RORA: variants seen among roughly 807,000 people sequenced by gnomAD.
RORA encodes RAR related orphan receptor A, also known as nuclear receptor ROR-alpha.
In RORA, 7 loss-of-function variants were observed where a neutral mutation model predicts 69.5. That is an observed-to-expected ratio of 0.10 (90% CI 0.06 to 0.19). RORA has a LOEUF of 0.19. Ranked by LOEUF, RORA falls within the 10% of genes least tolerant of loss-of-function variation. The probability of loss-of-function intolerance (pLI) is 1.00; values close to 1 mark genes in which losing one functional copy is unlikely to be tolerated. For synonymous variants in RORA, 261 were observed against 240.8 expected, an observed-to-expected ratio of 1.08 and a Z score of -0.78; for missense variants, 457 against 663.0, an observed-to-expected ratio of 0.69 and a Z score of 3.41.
chr15:61,005,718 C>T (rs993525333), intron 1 of RORA, among the ~76,000 whole-genome samples: 14 of 152,102 alleles, frequency 9.2e-5, no homozygotes, highest in Non-Finnish European at 1.5e-5. Context: ...ATAAAGTATA[C>T]ACTATTATTG....
chr15:60,776,053 C>G (rs114749418), intron 1 of RORA, among the ~76,000 whole-genome samples: 123 of 152,252 alleles, frequency 8.1e-4, no homozygotes, highest in African/African-American at 2.9e-3. Context: ...TAGTCCTTAT[C>G]GGTAATTCGA....
intron 2 of RORA, among the ~76,000 whole-genome samples, chr15:60,564,281 A>C (rs1182966284): frequency 1.3e-5 from 2 of 152,226 alleles, no homozygotes; most frequent in African/African-American, 4.8e-5. Context: ...TTGAAAGTTA[A>C]AAGTGATCAT....
rs964783704 is a variant in RORA at position 61,131,558 on chromosome 15, G to A, written c.166+97495C>T. On this transcript the variant is annotated intron_variant, in intron 1 of 10. Transcript: ENST00000335670. This position sits in a 1 kb window ranked among gnomAD's most constrained non-coding sequence, Gnocchi z 4.2. ...CATCCACTGGAAAACTGGAGGAACT[G>A]GGATCTAGTTACTCATGCTATAGAA... Among the ~76,000 whole-genome samples the A allele has an allele frequency of 5.3e-5, 8 of 152,154 alleles. No individual in the cohort carries two copies. Among genetic ancestry groups the A allele is most frequent in the Non-Finnish European group, 1.2e-4 (8 of 68,028 alleles).
intron 1 of RORA, among the ~76,000 whole-genome samples, chr15:60,973,053 G>A (rs901730764): frequency 2.0e-5 from 3 of 151,912 alleles, no homozygotes; most frequent in African/African-American, 7.3e-5. Flanking sequence ...ATGACTCATG[G>A]GAAATCCGGA....
chr15:61,100,543 T>C (rs1215965281), intron 1 of RORA, among the ~76,000 whole-genome samples: 1 of 152,180 alleles, frequency 6.6e-6, no homozygotes, highest in Admixed American at 6.5e-5. Flanking sequence ...TCCAGGGCTA[T>C]CTGTGGCTAG....
intron 1 of RORA, among the ~76,000 whole-genome samples, chr15:60,796,793 T>C (rs1428877401): frequency 2.6e-5 from 4 of 151,892 alleles, no homozygotes; most frequent in Non-Finnish European, 5.9e-5. Flanking sequence ...CAATTTCTCA[T>C]CAACTGATGA....
intron 1 of RORA, among the ~76,000 whole-genome samples, chr15:60,847,208 C>A (rs955767360): frequency 6.6e-6 from 1 of 151,874 alleles, no homozygotes; most frequent in Non-Finnish European, 1.5e-5. Flanking sequence ...GGAAAAAAAT[C>A]GGGCTTTGGC....
intron 1 of RORA, among the ~76,000 whole-genome samples, chr15:60,969,779 T>C (rs1893659520): frequency 6.6e-6 from 1 of 152,200 alleles, no homozygotes; most frequent in African/African-American, 2.4e-5. Context: ...GCTCCAACAC[T>C]TCTTAGCTCT....
chr15:60,783,943 T>G (rs371148130), intron 1 of RORA, among the ~76,000 whole-genome samples: 1 of 152,204 alleles, frequency 6.6e-6, no homozygotes, highest in African/African-American at 2.4e-5. Flanking sequence ...TAATAAACCA[T>G]TCCCACAATT....
chr15:60,632,776 G>A (rs2069766096), intron 2 of RORA, among the ~76,000 whole-genome samples: 1 of 152,028 alleles, frequency 6.6e-6, no homozygotes, highest in African/African-American at 2.4e-5. Flanking sequence ...AGCTAAAAAT[G>A]GTGATTATCT....
At chr15:60,947,816 G>A (rs1171118184) in intron 1 of RORA, among the ~76,000 whole-genome samples, 1 of 151,988 alleles carries the variant, frequency 6.6e-6, no homozygotes, top group African/African-American at 2.4e-5. Context: ...GTGGGAGATG[G>A]TACCTAAACA....
intron 1 of RORA, among the ~76,000 whole-genome samples, chr15:60,874,002 T>C (rs1288040328): frequency 2.0e-5 from 3 of 152,178 alleles, no homozygotes; most frequent in Non-Finnish European, 4.4e-5. Context: ...TTTTTTTCAA[T>C]GTTAATATTA....
At chr15:60,631,015 G>A (rs914664835) in intron 2 of RORA, among the ~76,000 whole-genome samples, 9 of 149,556 alleles carry the variant, frequency 6.0e-5, no homozygotes, top group East Asian at 2.0e-4. Context: ...TCAGCCTCCC[G>A]AGTAGCTGGG....
intron 1 of RORA, among the ~76,000 whole-genome samples, chr15:60,861,725 C>T (rs2073437403): frequency 1.3e-5 from 2 of 152,182 alleles, no homozygotes; most frequent in Admixed American, 6.5e-5. Context: ...TCTAAACTGC[C>T]TTCTTCCTCT....
At chr15:60,776,191 G>A (rs564505697) in intron 1 of RORA, among the ~76,000 whole-genome samples, 2 of 152,168 alleles carry the variant, frequency 1.3e-5, no homozygotes, top group East Asian at 3.9e-4. Context: ...CAGCTTGCAG[G>A]AGCAGGCCTC....
chr15:60,893,950 G>A (rs1891152238), intron 1 of RORA, among the ~76,000 whole-genome samples: 1 of 152,138 alleles, frequency 6.6e-6, no homozygotes, highest in Non-Finnish European at 1.5e-5. Flanking sequence ...TCCCCCGTCT[G>A]GGCCCCTTCA....
chr15:61,014,027 C>T (rs765787053), intron 1 of RORA, among the ~76,000 whole-genome samples: 9 of 152,084 alleles, frequency 5.9e-5, no homozygotes, highest in Non-Finnish European at 8.8e-5. Flanking sequence ...TTGTGATCTG[C>T]CCGCCTCGGC....
chr15:60,762,291 C>G (rs571265528), intron 1 of RORA, among the ~76,000 whole-genome samples: 6 of 152,254 alleles, frequency 3.9e-5, no homozygotes, highest in Middle Eastern at 3.4e-3. Flanking sequence ...CTGGGAGGCT[C>G]AACTCTGGCT....
intron 2 of RORA, chr15:60,592,448 G>T: frequency 7.1e-7 from 1 of 1,412,178 alleles, no homozygotes; most frequent in South Asian, 1.5e-5. Context: ...CGCAGGGAGA[G>T]CGGATGGTCC....
Sources: gnomAD v4.1 joint callset for allele counts (sites outside exome capture counted in the v4.1 genomes callset) on GRCh38, gnomAD v4.1.1 for gene constraint, Gnocchi (gnomAD v3.1) non-coding constraint, MANE v1.5 for transcripts, NCBI Gene and HGNC (gene_info 2026-07-23, HGNC 2026-07-21) for gene names.